The following CDH17 variants were observed in gnomAD, a reference collection of about 807,000 sequenced individuals.
CDH17 encodes cadherin-17.
A neutral mutation model predicts 86.3 loss-of-function variants in CDH17; 67 were observed. The ratio of observed to expected loss-of-function variants is 0.78; its 90% CI spans 0.64 to 0.95. The LOEUF (loss-of-function observed/expected upper bound fraction) is 0.95, where lower values mean the gene tolerates loss of function less well. Among genes scored for constraint, CDH17 ranks in the 40% least tolerant of loss-of-function variants. CDH17 has a pLI of 0.00. For synonymous variants in CDH17, 367 were observed against 366.4 expected (o/e 1.00, Z -0.02); for missense variants, 993 against 1,017.6 (o/e 0.98, Z 0.33).
chr8:94,185,182 G>A (rs1813554704), intron 3 of CDH17, among the ~76,000 whole-genome samples: 1 of 151,978 alleles, frequency 6.6e-6, no homozygotes, highest in South Asian at 2.1e-4. Flanking sequence ...TCCCCAGTGT[G>A]TTTTCTAGCA....
At chr8:94,212,690 T>G (rs1814141472), upstream of CDH17, among the ~76,000 whole-genome samples, 2 of 152,234 alleles carry the variant, frequency 1.3e-5, no homozygotes, top group South Asian at 4.1e-4. Context: ...TAGTTTGAGG[T>G]TAGTAAAGAT....
chr8:94,194,990 G>A (rs1012607358), intron 1 of CDH17, among the ~76,000 whole-genome samples: 1 of 152,108 alleles, frequency 6.6e-6, no homozygotes, highest in African/African-American at 2.4e-5. Context: ...CTTAAATGAT[G>A]GGCAATGAGT....
At chr8:94,145,894 C>T in intron 15 of CDH17, 34 bp downstream of exon 15, 3 of 1,596,148 alleles carry the variant, frequency 1.9e-6, no homozygotes, top group Non-Finnish European at 2.6e-6. Flanking sequence ...CATCATCCAT[C>T]TATGTTTTTT....
At chr8:94,175,293 A>G (rs1813351520) in intron 5 of CDH17, among the ~76,000 whole-genome samples, 1 of 152,160 alleles carries the variant, frequency 6.6e-6, no homozygotes, top group South Asian at 2.1e-4. Context: ...TAGTGAAGAG[A>G]GAAAAGGTAC....
chr8:94,128,538 T>TGTTG (rs1812347762), intron 17 of CDH17, among the ~76,000 whole-genome samples, 198 bp from the exon 18 acceptor site: 1 of 152,222 alleles, frequency 6.6e-6, no homozygotes, highest in Non-Finnish European at 1.5e-5. Context: ...TCATTTATCC[T>TGTTG]GTTGTATGTA....
At chr8:94,155,203 C>T (rs553248580) in intron 12 of CDH17, among the ~76,000 whole-genome samples, 59 of 152,134 alleles carry the variant, frequency 3.9e-4, no homozygotes, top group Non-Finnish European at 7.4e-4. Context: ...GACCTCGTGA[C>T]GTGGTCCAAT....
At chr8:94,182,176 C>G (rs1375945479) in intron 3 of CDH17, among the ~76,000 whole-genome samples, 1 of 152,090 alleles carries the variant, frequency 6.6e-6, no homozygotes, top group Non-Finnish European at 1.5e-5. Context: ...CAGATGGCTT[C>G]ACTAGTGAAT....
chr8:94,133,843 C>G (rs539882155), intron 15 of CDH17, among the ~76,000 whole-genome samples: 9 of 152,130 alleles, frequency 5.9e-5, no homozygotes, highest in African/African-American at 1.7e-4. Context: ...TCAATACCTA[C>G]TTTATTGAGA....
At chr8:94,173,709 G>C (rs148156058) in intron 7 of CDH17, 88 bp downstream of exon 7, 1 of 936,614 alleles carries the variant, frequency 1.1e-6, no homozygotes, top group African/African-American at 1.6e-5. Flanking sequence ...TCTAATAAGT[G>C]TATCAGTGAA....
In CDH17 at chr8:94,177,577, A is replaced by G. The variant is rs1244274374; in HGVS notation, c.285+10T>C. 1 of 1,613,662 alleles carries G rather than the reference A, an allele frequency of 6.2e-7. No individual in the cohort carries two copies. The highest frequency in any genetic ancestry group is 8.5e-7 in the Non-Finnish European group (1 of 1,179,666). ...TTGGAGTTAGATCCCTTCAGCTGGTATCAATTTACCTGGAGATTGTGAGTA... is the reference window on the plus strand; with the variant it reads ...TTGGAGTTAGATCCCTTCAGCTGGTGTCAATTTACCTGGAGATTGTGAGTA... On this transcript the variant is annotated intron_variant, in intron 4 of 17. Transcript: ENST00000027335.
At position 94,130,860 on chromosome 8, in the gene CDH17, A is replaced by AT; in HGVS notation, c.2284+15dup. On this transcript the variant is annotated intron_variant, in intron 16 of 17. Coordinates refer to ENST00000027335, the MANE Select transcript of CDH17 (RefSeq NM_004063.4). ...TGACAGATACTAGCCTGAGTTGCCT[A>AT]TAGCAGAATATCTACCTGGTAAAGA... The AT allele has an allele frequency of 6.4e-7, 1 of 1,552,646 alleles. No individual in the cohort carries two copies.
intron 15 of CDH17, among the ~76,000 whole-genome samples, chr8:94,140,249 C>G (rs973042963): frequency 1.5e-4 from 23 of 151,950 alleles, no homozygotes. Flanking sequence ...TAGTGTGACC[C>G]CCATCTCTAC....
intron 5 of CDH17, among the ~76,000 whole-genome samples, chr8:94,176,041 A>G (rs1431775063): frequency 4.6e-5 from 7 of 151,954 alleles, no homozygotes; most frequent in Admixed American, 3.9e-4. Flanking sequence ...GGCATGCACC[A>G]CCACACCTGG....
chr8:94,151,153 G>T (rs191199270), intron 13 of CDH17, among the ~76,000 whole-genome samples: 28 of 152,110 alleles, frequency 1.8e-4, no homozygotes, highest in Non-Finnish European at 1.6e-4. Flanking sequence ...CAACAGCAGC[G>T]AAAGATCTGA....
At chr8:94,167,952 G>A (rs904294559) in intron 9 of CDH17, among the ~76,000 whole-genome samples, 1 of 151,318 alleles carries the variant, frequency 6.6e-6, no homozygotes, top group Admixed American at 6.6e-5. Context: ...TTAGGGAGGT[G>A]GGGTTTTTAT....
intron 2 of CDH17, among the ~76,000 whole-genome samples, chr8:94,189,634 C>A (rs1813647822): frequency 6.6e-6 from 1 of 152,192 alleles, no homozygotes; most frequent in South Asian, 2.1e-4. Flanking sequence ...TTCCACAATC[C>A]CACACTGTCT....
chr8:94,189,229 A>G lies in CDH17; in HGVS notation c.108T>C (p.Phe36=). The part of the protein sequence containing the change: ...KFSGPLKPMT[F]SIYEGQEPSQ... The stretch of plus-strand genomic sequence containing the variant: ...TCGGTTCTTGGCCTTCATAAATAGA[A>G]AATGTCATGGGTTTCAGGGGTCCAC... The change falls in exon 3 of 18, where the codon TTT becomes TTC. Residue 36 remains phenylalanine (F), a synonymous_variant. Transcript: ENST00000027335. 6.2e-7 allele frequency: 1 copy of G among 1,613,424 alleles called. No individual in the cohort carries two copies. Among genetic ancestry groups the G allele is most frequent in the Non-Finnish European group, 8.5e-7 (1 of 1,179,826 alleles).
intron 12 of CDH17, among the ~76,000 whole-genome samples, chr8:94,159,659 T>C (rs1161447585): frequency 6.6e-6 from 1 of 152,192 alleles, no homozygotes; most frequent in African/African-American, 2.4e-5. Context: ...TTAGTATAAG[T>C]GCATCCCAAA....
At chr8:94,130,834 G>T in intron 16 of CDH17, 42 bp downstream of exon 16, 1 of 1,501,898 alleles carries the variant, frequency 6.7e-7, no homozygotes, top group Non-Finnish European at 9.3e-7. Flanking sequence ...ACGGCCCATG[G>T]TGACAGATAC....
Sources: allele counts gnomAD v4.1 joint callset (sites outside exome capture counted in the v4.1 genomes callset), GRCh38; gene constraint gnomAD v4.1.1; transcripts MANE v1.5; gene names NCBI Gene and HGNC (gene_info 2026-07-23, HGNC 2026-07-21).